GNB1L: variants seen among roughly 807,000 people sequenced by gnomAD.
GNB1L encodes the protein guanine nucleotide-binding protein subunit beta-like protein 1.
GNB1L carries 20 observed loss-of-function variants against 29.1 expected under a neutral mutation model. That is an observed-to-expected ratio of 0.69 (90% CI 0.48 to 1.00). The LOEUF (loss-of-function observed/expected upper bound fraction) is 1.00, where lower values mean the gene tolerates loss of function less well. Among genes scored for constraint, GNB1L ranks in the 50% least tolerant of loss-of-function variants. GNB1L has a pLI of 0.00. For missense variants in GNB1L, 421 were observed against 464.9 expected, an observed-to-expected ratio of 0.91 and a Z score of 0.87; for synonymous variants, 193 against 206.5, an observed-to-expected ratio of 0.93 and a Z score of 0.56.
rs1937213381 is a variant in GNB1L at position 19,788,559 on chromosome 22, T to C, written c.*150A>G. 1 of 1,031,704 alleles carries C rather than the reference T, an allele frequency of 9.7e-7. No homozygotes were observed. The highest frequency in any genetic ancestry group is 2.4e-5 in the East Asian group (1 of 42,120). The allele number at this position is 1,031,704 out of a possible 1,614,324, so 63.9% of individuals were successfully genotyped here. A position where few individuals can be genotyped will look rare whatever the true frequency, so the allele number is the denominator to read the frequency against. On this transcript the variant is annotated 3_prime_UTR_variant, in exon 8 of 8. Coordinates refer to ENST00000329517, the MANE Select transcript of GNB1L (RefSeq NM_053004.3). ...TGATGAGGCACTCCACAAAAGGAAA[T>C]ACCAACCTCATGAAGACAGCGGGGA...
rs1055315360 is a variant in GNB1L at position 19,784,631 on chromosome 22, AGGTCAGCACAT to A, written c.*4067_*4077del. 1 of 152,272 alleles carries A rather than the reference AGGTCAGCACAT, an allele frequency of 6.6e-6. No individual in the cohort carries two copies. Among genetic ancestry groups the A allele is most frequent in the Non-Finnish European group, 1.5e-5 (1 of 68,070 alleles). 9.4% of individuals were successfully genotyped at this position (152,272 alleles called of 1,614,324 possible). ...TACCTTGTAAAGTGGGGCTGCACAG[AGGTCAGCACAT>A]GGTGGCGCCCACCGTCGAGAGGGGA... On this transcript the variant is annotated 3_prime_UTR_variant, in exon 8 of 8. Coordinates refer to ENST00000329517, the MANE Select transcript of GNB1L (RefSeq NM_053004.3).
Position 19,806,660 on chromosome 22 carries a change from T to G in GNB1L, c.515A>C (p.Gln172Pro). The change falls in exon 6 of 8, where the codon CAG becomes CCG. Residue 172 changes from glutamine to proline, a missense_variant and splice_region_variant. Coordinates refer to ENST00000329517, the MANE Select transcript of GNB1L (RefSeq NM_053004.3). ...LGMPMCLRLW[Q>P]ADCSSRPLLL... ...TGGCTGGTGCACGCGGGGCCTTACCTGCCACAGCCGCAGGCACATGGGCAT... is the reference window on the plus strand; with the variant it reads ...TGGCTGGTGCACGCGGGGCCTTACCGGCCACAGCCGCAGGCACATGGGCAT... 6.2e-7 allele frequency: 1 copy of G among 1,605,152 alleles called. No individual in the cohort carries two copies. The highest frequency in any genetic ancestry group is 2.2e-5 in the East Asian group (1 of 44,798).
chr22:19,843,470 G>A (rs1937897516), intron 2 of GNB1L, among the ~76,000 whole-genome samples: 1 of 152,232 alleles, frequency 6.6e-6, no homozygotes, highest in African/African-American at 2.4e-5. Flanking sequence ...CCCCCGGGCA[G>A]CAAGTGCACA....
chr22:19,792,425 C>T (rs1937261598), intron 7 of GNB1L: 9 of 1,564,882 alleles, frequency 5.8e-6, no homozygotes, highest in Non-Finnish European at 7.8e-6. Context: ...TCGGACAGGA[C>T]ATCCAGCCCA....
intron 2 of GNB1L, chr22:19,851,648 ACTGGCAG>A: frequency 1.9e-6 from 3 of 1,594,312 alleles, no homozygotes; most frequent in Non-Finnish European, 2.6e-6. Context: ...CTGAGGGGCC[ACTGGCAG>A]CTGGCTGGAG....
chr22:19,827,835 A>G (rs1370318511), intron 2 of GNB1L, among the ~76,000 whole-genome samples: 1 of 152,226 alleles, frequency 6.6e-6, no homozygotes, highest in African/African-American at 2.4e-5. Context: ...AAACACCCTG[A>G]AGAAATTCTC....
intron 6 of GNB1L, among the ~76,000 whole-genome samples, chr22:19,804,482 A>T (rs1937410024): frequency 6.6e-6 from 1 of 152,250 alleles, no homozygotes; most frequent in Non-Finnish European, 1.5e-5. Flanking sequence ...TTATATATTA[A>T]TAGCAATTAT....
intron 2 of GNB1L, among the ~76,000 whole-genome samples, chr22:19,827,402 T>G (rs1937627829): frequency 1.3e-5 from 2 of 152,172 alleles, no homozygotes; most frequent in Non-Finnish European, 2.9e-5. Flanking sequence ...TTGCAGCTTT[T>G]CTGTAGATTT....
At chr22:19,807,695 G>A (rs963404438) in intron 5 of GNB1L, among the ~76,000 whole-genome samples, 3 of 152,230 alleles carry the variant, frequency 2.0e-5, no homozygotes, top group Non-Finnish European at 4.4e-5. Flanking sequence ...CCAAGCCCCT[G>A]AGGCTGGGGG....
At chr22:19,835,002 G>A (rs1316151309) in intron 2 of GNB1L, among the ~76,000 whole-genome samples, 1 of 152,168 alleles carries the variant, frequency 6.6e-6, no homozygotes, top group African/African-American at 2.4e-5. Flanking sequence ...ACCTCAGAGT[G>A]AGGAATATTA....
intron 2 of GNB1L, among the ~76,000 whole-genome samples, chr22:19,833,843 G>A (rs911700773): frequency 1.3e-5 from 2 of 151,678 alleles, no homozygotes; most frequent in African/African-American, 4.8e-5. Flanking sequence ...TCCAGCCGGG[G>A]CGACAAAGTG....
chr22:19,807,772 G>C (rs1349161147), intron 5 of GNB1L, among the ~76,000 whole-genome samples: 1 of 152,194 alleles, frequency 6.6e-6, no homozygotes, highest in African/African-American at 2.4e-5. Flanking sequence ...TCCTGAGCCA[G>C]GCAGAGGGAT....
chr22:19,849,897 G>C, intron 2 of GNB1L: 2 of 985,464 alleles, frequency 2.0e-6, no homozygotes, highest in Non-Finnish European at 2.4e-6. Context: ...GGTAAACTTG[G>C]CTCCAGGAGC....
intron 7 of GNB1L, chr22:19,792,738 A>G: frequency 6.6e-7 from 1 of 1,508,982 alleles, no homozygotes; most frequent in Admixed American, 1.8e-5. Flanking sequence ...CTTGGTGGAG[A>G]ACAAGAAAGC....
intron 4 of GNB1L, among the ~76,000 whole-genome samples, chr22:19,815,327 G>A (rs1370733546): frequency 6.6e-6 from 1 of 152,194 alleles, no homozygotes; most frequent in Admixed American, 6.5e-5. Context: ...TCTCCACTGG[G>A]GTTTTGGAGA....
At chr22:19,820,449 C>T in intron 4 of GNB1L, 149 bp downstream of exon 4, 1 of 812,170 alleles carries the variant, frequency 1.2e-6, no homozygotes, top group Non-Finnish European at 1.9e-6. Context: ...GCTGGACCTG[C>T]ACACCCTGCC....
At position 19,806,630 on chromosome 22, in the gene GNB1L, G is replaced by A. The variant is rs748938568; in HGVS notation, c.516+29C>T. 4.2e-6 allele frequency: 6 copies of A among 1,416,674 alleles called. No homozygotes were observed. In the South Asian group the frequency reaches 7.0e-5, roughly 16 times the overall value. 87.8% of individuals were successfully genotyped at this position (1,416,674 alleles called of 1,614,324 possible). On this transcript the variant is annotated intron_variant, in intron 6 of 7. Coordinates refer to ENST00000329517, the MANE Select transcript of GNB1L (RefSeq NM_053004.3). ...CTCATGGCCGTGGGTGTGGCCGGCA[G>A]GGCGTGGCTGGTGCACGCGGGGCCT...
At chr22:19,851,964 G>C (rs1415190724) in intron 2 of GNB1L, 2 of 1,614,026 alleles carry the variant, frequency 1.2e-6, no homozygotes, top group Non-Finnish European at 1.7e-6. Context: ...TCTGAGCCTG[G>C]TACCCAGCAG....
chr22:19,824,379 G>A (rs1466057738), intron 2 of GNB1L, among the ~76,000 whole-genome samples: 14 of 152,204 alleles, frequency 9.2e-5, no homozygotes, highest in Admixed American at 7.9e-4. Flanking sequence ...CTGTCCTTGC[G>A]GTGGCCCCGG....
Sources: allele counts gnomAD v4.1 joint callset (sites outside exome capture counted in the v4.1 genomes callset), GRCh38; gene constraint gnomAD v4.1.1; transcripts MANE v1.5; gene names NCBI Gene and HGNC (gene_info 2026-07-23, HGNC 2026-07-21).